RBM47: variants seen among roughly 807,000 people sequenced by gnomAD.
RBM47 encodes RNA-binding protein 47.
RBM47 carries 21 observed loss-of-function variants against 47.1 expected under a neutral mutation model. That is an observed-to-expected ratio of 0.45 (90% CI 0.32 to 0.64). RBM47 has a LOEUF of 0.64. RBM47 is among the 30% of genes least tolerant of loss of function. The probability of loss-of-function intolerance (pLI) is 0.05; values close to 1 mark genes in which losing one functional copy is unlikely to be tolerated. For missense variants in RBM47, 708 were observed against 870.9 expected (o/e 0.81, Z 2.35); for synonymous variants, 375 against 361.7 (o/e 1.04, Z -0.42).
At chr4:40,456,571 C>CTTTTTT (rs34320480) in intron 3 of RBM47, among the ~76,000 whole-genome samples, 1 of 112,578 alleles carries the variant, frequency 8.9e-6, no homozygotes, top group Non-Finnish European at 1.7e-5. Flanking sequence ...TTTCTTTTTT[C>CTTTTTT]TTTTTTTTTT....
intron 2 of RBM47, among the ~76,000 whole-genome samples, chr4:40,527,770 T>TG (rs1164226950): frequency 3.5e-4 from 6 of 17,012 alleles, no homozygotes; most frequent in East Asian, 4.1e-3. Flanking sequence ...GTTTGGGGGG[T>TG]GGGGGGGTGT....
At chr4:40,457,209 C>G (rs1342670035) in intron 3 of RBM47, among the ~76,000 whole-genome samples, 1 of 151,884 alleles carries the variant, frequency 6.6e-6, no homozygotes, top group Non-Finnish European at 1.5e-5. Context: ...CACCTGAGAT[C>G]AGGAGTTCAA....
chr4:40,437,117 CATAT>C (rs767630676), intron 4 of RBM47, among the ~76,000 whole-genome samples: 7 of 53,262 alleles, frequency 1.3e-4, no homozygotes, highest in African/African-American at 3.4e-4. Flanking sequence ...ATATAAAATA[CATAT>C]ATATATATAT....
chr4:40,443,960 C>T (rs111774949), intron 3 of RBM47, among the ~76,000 whole-genome samples: 4,047 of 151,944 alleles, frequency 0.027, 94 homozygotes, highest in Non-Finnish European at 0.041. Flanking sequence ...GCACTTTGGG[C>T]GGCTGAGGCA....
intron 2 of RBM47, among the ~76,000 whole-genome samples, chr4:40,539,313 T>G (rs532465401): frequency 6.6e-6 from 1 of 152,166 alleles, no homozygotes; most frequent in Non-Finnish European, 1.5e-5. Flanking sequence ...TTTAGCTCAG[T>G]TGTTTGACCT....
chr4:40,619,764 T>C (rs1737081740), intron 1 of RBM47, among the ~76,000 whole-genome samples: 1 of 152,198 alleles, frequency 6.6e-6, no homozygotes, highest in Non-Finnish European at 1.5e-5. Flanking sequence ...GTGTAGTACC[T>C]GTGGGTTCCT....
At chr4:40,461,786 T>C (rs1717172388) in intron 3 of RBM47, among the ~76,000 whole-genome samples, 1 of 151,992 alleles carries the variant, frequency 6.6e-6, no homozygotes, top group East Asian at 1.9e-4. Context: ...AATACAAAAA[T>C]TAGTCGGGCA....
chr4:40,451,417 A>G (rs1046640360), intron 3 of RBM47, among the ~76,000 whole-genome samples: 4 of 152,180 alleles, frequency 2.6e-5, no homozygotes, highest in Admixed American at 1.3e-4. Flanking sequence ...TGGGTCATAG[A>G]AACATCACTG....
chr4:40,512,908 A>G (rs1231649293), intron 2 of RBM47, among the ~76,000 whole-genome samples: 1 of 152,194 alleles, frequency 6.6e-6, no homozygotes, highest in Non-Finnish European at 1.5e-5. Flanking sequence ...AGATACAGTA[A>G]GTATCAAAAT....
chr4:40,556,068 C>T (rs1210050028), intron 1 of RBM47, among the ~76,000 whole-genome samples: 1 of 149,870 alleles, frequency 6.7e-6, no homozygotes, highest in Non-Finnish European at 1.5e-5. Context: ...CAGAGTCTGG[C>T]TCTGTCGCGC....
At chr4:40,495,426 A>G (rs1560418566) in intron 2 of RBM47, among the ~76,000 whole-genome samples, 1 of 151,954 alleles carries the variant, frequency 6.6e-6, no homozygotes, top group Non-Finnish European at 1.5e-5. Flanking sequence ...ACATGGTGAA[A>G]CCCCATCTCT....
chr4:40,549,111 G>T (rs1425709256), intron 1 of RBM47, among the ~76,000 whole-genome samples: 3 of 147,694 alleles, frequency 2.0e-5, no homozygotes, highest in Admixed American at 2.0e-4. Context: ...TTTTTTTTTG[G>T]GGGGGGGGAC....
In RBM47 at chr4:40,423,668, CTTTCTT is replaced by C. The variant is rs1714650766; in HGVS notation, c.*2230_*2235del. 1.2e-5 allele frequency: 1 copy of C among 84,200 alleles called. No homozygotes were observed. Among genetic ancestry groups the C allele is most frequent in the Non-Finnish European group, 2.2e-5 (1 of 45,444 alleles). 5.2% of individuals were successfully genotyped at this position (84,200 alleles called of 1,614,324 possible). A position where few individuals can be genotyped will look rare whatever the true frequency, so the allele number is the denominator to read the frequency against. On this transcript the variant is annotated 3_prime_UTR_variant, in exon 7 of 7. Transcript: ENST00000295971. ...TTTCTTTCTTTTTCTTTCTTTCTTT[CTTTCTT>C]TCTTTCTTTCTTTCTTTCTTTCTTT...
At chr4:40,426,323 G>A in intron 6 of RBM47, 180 bp from the exon 7 acceptor site, 1 of 751,566 alleles carries the variant, frequency 1.3e-6, no homozygotes, top group Non-Finnish European at 2.1e-6. Context: ...CACTGAAGAG[G>A]TAAGGTGGAG....
At chr4:40,487,570 C>T (rs73235640) in intron 2 of RBM47, among the ~76,000 whole-genome samples, 7,197 of 152,184 alleles carry the variant, frequency 0.047, 211 homozygotes, top group Non-Finnish European at 0.071. Flanking sequence ...GGATAACAGG[C>T]GTCAGCCCCC....
intron 3 of RBM47, among the ~76,000 whole-genome samples, chr4:40,462,932 GA>G (rs1214657712): frequency 1.3e-5 from 2 of 152,014 alleles, no homozygotes; most frequent in African/African-American, 4.8e-5. Context: ...AGCAACAAAA[GA>G]AAAAATAGAT....
chr4:40,470,178 G>A (rs1718641898), intron 2 of RBM47, among the ~76,000 whole-genome samples: 1 of 152,162 alleles, frequency 6.6e-6, no homozygotes, highest in South Asian at 2.1e-4. Flanking sequence ...GAGAAACGGG[G>A]TGGTTTCCAG....
Position 40,438,714 on chromosome 4 carries a change from G to C in RBM47, c.180C>G (p.Pro60=), listed in dbSNP as rs371479932. 2 of 1,608,356 alleles carry C rather than the reference G, an allele frequency of 1.2e-6. No individual in the cohort carries two copies. The highest frequency in any genetic ancestry group is 8.5e-7 in the Non-Finnish European group (1 of 1,178,382). Residue 60 remains proline (P), a synonymous_variant, in exon 4 of 7, where the codon CCC becomes CCG. Transcript: ENST00000295971. ...NGQRKYGGPP[P]GWEGPHPQRG... is the part of the protein sequence containing the mutation. Reference sequence around the variant, plus strand: ...GCTGCGGGTGCGGGCCCTCCCAGCCGGGCGGTGGGCCGCCGTACTTGCGCT... The same window carrying C: ...GCTGCGGGTGCGGGCCCTCCCAGCCCGGCGGTGGGCCGCCGTACTTGCGCT...
intron 3 of RBM47, among the ~76,000 whole-genome samples, chr4:40,463,714 T>A (rs1166885667): frequency 6.6e-6 from 1 of 151,718 alleles, no homozygotes; most frequent in African/African-American, 2.4e-5. Context: ...GGAATAGGCT[T>A]TTATTAGGTT....
Sources: gnomAD v4.1 joint callset for allele counts (sites outside exome capture counted in the v4.1 genomes callset) on GRCh38, gnomAD v4.1.1 for gene constraint, MANE v1.5 for transcripts, NCBI Gene and HGNC (gene_info 2026-07-23, HGNC 2026-07-21) for gene names.